Variants in FAM171A1 observed in about 807,000 individuals in gnomAD.
FAM171A1 encodes protein FAM171A1.
Under a neutral mutation model 74.9 loss-of-function variants are expected in FAM171A1, and 23 were observed. That is an observed-to-expected ratio of 0.31 (90% CI 0.22 to 0.44). The LOEUF is 0.44. Ranked by LOEUF, FAM171A1 falls within the 20% of genes least tolerant of loss-of-function variation. The pLI, the probability that FAM171A1 is intolerant of heterozygous loss-of-function variation, is 1.00. For missense variants in FAM171A1, 1,162 were observed against 1,159.2 expected, an observed-to-expected ratio of 1.00 and a Z score of -0.03; for synonymous variants, 527 against 505.7, an observed-to-expected ratio of 1.04 and a Z score of -0.57.
rs529423585 is a variant in FAM171A1 at position 15,301,282 on chromosome 10, C to T, written c.98-17177G>A. ...CTGTCTTCTGGGTTCAAGCAATTTT[C>T]GAGCCTCAGCCTCTCGAGTAGCTGG... is the stretch of plus-strand genomic sequence containing the variant. On this transcript the variant is annotated intron_variant, in intron 1 of 7. Transcript: ENST00000378116. Among the ~76,000 whole-genome samples, 4 of 152,038 alleles carry T rather than the reference C, an allele frequency of 2.6e-5. No individual in the cohort carries two copies. In the South Asian group the frequency reaches 6.2e-4, roughly 24 times the overall value.
chr10:15,318,022 T>G (rs1416591008), intron 1 of FAM171A1, among the ~76,000 whole-genome samples: 1 of 152,194 alleles, frequency 6.6e-6, no homozygotes, highest in Non-Finnish European at 1.5e-5. Context: ...CTTGAACTCT[T>G]GGGCTCAAGT....
Position 15,212,925 on chromosome 10 carries a change from T to A in FAM171A1, c.2663A>T (p.Asn888Ile). 6.2e-7 allele frequency: 1 copy of A among 1,614,098 alleles called. No individual in the cohort carries two copies. The highest frequency in any genetic ancestry group is 1.1e-5 in the South Asian group (1 of 91,062). Residue 888 changes from asparagine (N) to isoleucine (I), a missense_variant, in exon 8 of 8, where the codon AAC becomes ATC. Coordinates refer to ENST00000378116, the MANE Select transcript of FAM171A1 (RefSeq NM_001010924.2). ...TGGGTCTGCGATAGCTCATTTAATG[T>A]TAAACGCCATCAGGGGCCTCTCCTC... Reference protein sequence around the residue: ...KREERPLMAFNIK With the variant: ...KREERPLMAFIIK
intron 1 of FAM171A1, among the ~76,000 whole-genome samples, chr10:15,328,017 A>C (rs1324182405): frequency 6.6e-6 from 1 of 151,344 alleles, no homozygotes; most frequent in East Asian, 1.9e-4. Context: ...GCCTCAGAAC[A>C]CTGTAGACAG....
intron 5 of FAM171A1, among the ~76,000 whole-genome samples, chr10:15,238,983 C>T (rs1479345443): frequency 6.6e-5 from 10 of 152,092 alleles, no homozygotes; most frequent in Admixed American, 6.5e-4. Flanking sequence ...ATTCTTTTTG[C>T]CACTTGATGT....
chr10:15,231,827 G>A lies in FAM171A1; in HGVS notation c.755-10767C>T, dbSNP rs576984980. ...TGGCTGGGTGTGGTGGCTCATGCCA[G>A]CAATCTCAGCACTTTGGGAAGCCTA... On this transcript the variant is annotated intron_variant, in intron 5 of 7. Transcript: ENST00000378116. Among the ~76,000 whole-genome samples the A allele has an allele frequency of 2.0e-5, 3 of 152,308 alleles. No individual in the cohort carries two copies. In the East Asian group the frequency reaches 5.8e-4, roughly 29 times the overall value.
chr10:15,285,272 G>A (rs376511630), intron 1 of FAM171A1, among the ~76,000 whole-genome samples: 2 of 152,198 alleles, frequency 1.3e-5, no homozygotes, highest in African/African-American at 4.8e-5. Context: ...GATGGAGAGC[G>A]TGAGAGGCGT....
intron 1 of FAM171A1, among the ~76,000 whole-genome samples, chr10:15,351,588 GATGGATGC>G (rs563324848): frequency 2.8e-4 from 39 of 137,694 alleles, no homozygotes; most frequent in Middle Eastern, 3.9e-3. Flanking sequence ...TGGATGGATG[GATGGATGC>G]ATGGATGGAT....
chr10:15,325,206 T>C (rs1439763071), intron 1 of FAM171A1, among the ~76,000 whole-genome samples: 2 of 152,186 alleles, frequency 1.3e-5, no homozygotes, highest in Non-Finnish European at 2.9e-5. Flanking sequence ...AGAGAACTTT[T>C]AAGGACAGTT....
intron 1 of FAM171A1, among the ~76,000 whole-genome samples, chr10:15,309,389 G>A (rs571404009): frequency 4.6e-5 from 7 of 152,254 alleles, no homozygotes; most frequent in Non-Finnish European, 7.3e-5. Context: ...TTTATTTTTC[G>A]TAGAGATGGG....
At chr10:15,279,509 T>C (rs1834939047) in intron 2 of FAM171A1, among the ~76,000 whole-genome samples, 1 of 140,088 alleles carries the variant, frequency 7.1e-6, no homozygotes. Flanking sequence ...GTGCTGTTCA[T>C]ACCAAGTAGA....
chr10:15,314,097 T>C (rs1005140691), intron 1 of FAM171A1, among the ~76,000 whole-genome samples: 1 of 152,190 alleles, frequency 6.6e-6, no homozygotes, highest in Non-Finnish European at 1.5e-5. Flanking sequence ...AACCCCATAA[T>C]GTGAAGCGTG....
At chr10:15,338,483 T>G (rs1835728634) in intron 1 of FAM171A1, among the ~76,000 whole-genome samples, 1 of 152,242 alleles carries the variant, frequency 6.6e-6, no homozygotes, top group Non-Finnish European at 1.5e-5. Context: ...TTTACCTGTA[T>G]TTTACTTAAT....
chr10:15,274,781 G>T (rs1001339792), intron 3 of FAM171A1, among the ~76,000 whole-genome samples: 1 of 152,066 alleles, frequency 6.6e-6, no homozygotes, highest in African/African-American at 2.4e-5. Context: ...AACAAGAAAT[G>T]GGGAAATGAT....
chr10:15,372,285 A>C (rs962584922), upstream of FAM171A1, among the ~76,000 whole-genome samples: 4 of 152,182 alleles, frequency 2.6e-5, no homozygotes, highest in African/African-American at 9.7e-5. Flanking sequence ...CACAGATGAG[A>C]AAAGAGGCTA....
chr10:15,291,080 G>A (rs1249522867), intron 1 of FAM171A1, among the ~76,000 whole-genome samples: 5 of 152,120 alleles, frequency 3.3e-5, no homozygotes, highest in Admixed American at 6.5e-5. Flanking sequence ...AGACTTCTGG[G>A]CTCAGGCGAT....
chr10:15,327,126 C>T (rs1182258969), intron 1 of FAM171A1, among the ~76,000 whole-genome samples: 1 of 152,132 alleles, frequency 6.6e-6, no homozygotes, highest in Non-Finnish European at 1.5e-5. Context: ...CCCTAGGAGG[C>T]ATGATAGTAT....
At chr10:15,240,640 AT>A (rs1834351980) in intron 5 of FAM171A1, 2 of 882,176 alleles carry the variant, frequency 2.3e-6, no homozygotes, top group African/African-American at 3.6e-5. Flanking sequence ...GAAAGAGAGC[AT>A]CTCTAGTTCT....
intron 1 of FAM171A1, among the ~76,000 whole-genome samples, chr10:15,353,951 T>G (rs17156584): frequency 6.6e-6 from 1 of 152,210 alleles, no homozygotes; most frequent in African/African-American, 2.4e-5. Context: ...GCCGTGGGCA[T>G]GCACGCTCAT....
intron 1 of FAM171A1, among the ~76,000 whole-genome samples, chr10:15,323,684 T>G (rs1835515461): frequency 6.6e-6 from 1 of 152,084 alleles, no homozygotes; most frequent in South Asian, 2.1e-4. Context: ...AACAGCCCAA[T>G]GCATACACTT....
Sources: allele counts gnomAD v4.1 joint callset (sites outside exome capture counted in the v4.1 genomes callset), GRCh38; gene constraint gnomAD v4.1.1; transcripts MANE v1.5; gene names NCBI Gene and HGNC (gene_info 2026-07-23, HGNC 2026-07-21).